SLC35F2: variants seen among roughly 807,000 people sequenced by gnomAD.
The protein encoded by SLC35F2 is queuine/queuosine transporter SLC35F2.
In SLC35F2, 25 loss-of-function variants were observed where a neutral mutation model predicts 38.1. The observed-to-expected ratio is 0.66, with a 90% CI of 0.48 to 0.92. The LOEUF (loss-of-function observed/expected upper bound fraction) is 0.92, where lower values mean the gene tolerates loss of function less well. Among genes scored for constraint, SLC35F2 ranks in the 40% least tolerant of loss-of-function variants. The probability of loss-of-function intolerance (pLI) is 0.00; values close to 1 mark genes in which losing one functional copy is unlikely to be tolerated. For synonymous variants in SLC35F2, 173 were observed against 181.7 expected (o/e 0.95, Z 0.38); for missense variants, 409 against 452.9 (o/e 0.90, Z 0.88).
In SLC35F2 at chr11:107,815,796, G is replaced by T; in HGVS notation, c.280C>A (p.Arg94=). ...ATTTCCACATTTGACATACCTGATC[G>T]AAATGCCAGCATCACTGTATAAATT... The part of the protein sequence containing the change: ...FLIYTVMLAF[R]SGSDNLLVIL... The change falls in exon 2 of 8, where the codon CGA becomes AGA. Residue 94 remains arginine (R), a synonymous_variant. Coordinates refer to ENST00000525815, the MANE Select transcript of SLC35F2 (RefSeq NM_017515.5). 1 of 1,603,250 alleles carries T rather than the reference G, an allele frequency of 6.2e-7. No individual in the cohort carries two copies. The highest frequency in any genetic ancestry group is 8.5e-7 in the Non-Finnish European group (1 of 1,175,524).
chr11:107,824,341 G>A (rs1002126156), intron 1 of SLC35F2, among the ~76,000 whole-genome samples: 2 of 152,138 alleles, frequency 1.3e-5, no homozygotes, highest in Admixed American at 6.5e-5. Context: ...AAAATGCAAG[G>A]CAGACAATAC....
intron 7 of SLC35F2, among the ~76,000 whole-genome samples, chr11:107,797,325 G>T (rs1859235372): frequency 7.0e-6 from 1 of 141,960 alleles, no homozygotes; most frequent in Non-Finnish European, 1.6e-5. Flanking sequence ...AGGGAAGGAG[G>T]GAAAAGGAAG....
At chr11:107,837,096 GAAAGTAT>G (rs992992475) in intron 1 of SLC35F2, among the ~76,000 whole-genome samples, 3 of 152,082 alleles carry the variant, frequency 2.0e-5, no homozygotes, top group Admixed American at 2.0e-4. Flanking sequence ...AACAAAAATT[GAAAGTAT>G]AAATCCAGTG....
intron 1 of SLC35F2, among the ~76,000 whole-genome samples, chr11:107,818,685 C>G (rs114653698): frequency 0.013 from 1,898 of 151,288 alleles, 49 homozygotes; most frequent in African/African-American, 0.043. Context: ...TCTTCCTTTT[C>G]AGTACTGTAT....
intron 1 of SLC35F2, among the ~76,000 whole-genome samples, chr11:107,844,844 C>T (rs1318928432): frequency 6.0e-4 from 90 of 150,806 alleles, no homozygotes; most frequent in Admixed American, 1.8e-3. Flanking sequence ...GGCGTGGTGG[C>T]GGGCACCTGT....
chr11:107,832,160 A>C (rs1356565636), intron 1 of SLC35F2, among the ~76,000 whole-genome samples: 1 of 152,174 alleles, frequency 6.6e-6, no homozygotes, highest in Non-Finnish European at 1.5e-5. Flanking sequence ...GGAGCAGAGC[A>C]AGTTTAGTAT....
At chr11:107,801,934 T>C (rs1859316185) in intron 7 of SLC35F2, among the ~76,000 whole-genome samples, 1 of 152,110 alleles carries the variant, frequency 6.6e-6, no homozygotes, top group Non-Finnish European at 1.5e-5. Flanking sequence ...CCTTTGTTTT[T>C]CCATGTCTAA....
chr11:107,836,418 C>T (rs563063891), intron 1 of SLC35F2, among the ~76,000 whole-genome samples: 136 of 152,138 alleles, frequency 8.9e-4, no homozygotes, highest in Middle Eastern at 3.4e-3. Flanking sequence ...CAAAAGTGTC[C>T]ACACTCTCTC....
At position 107,858,612 on chromosome 11, in the gene SLC35F2, C is replaced by T. The variant is rs769059740; in HGVS notation, c.110+46G>A. The T allele has an allele frequency of 1.2e-4, 145 of 1,250,758 alleles. No individual in the cohort carries two copies. The East Asian group carries it at 4.4e-3, about 38-fold the overall frequency. 77.5% of individuals were successfully genotyped at this position (1,250,758 alleles called of 1,614,324 possible). A position where few individuals can be genotyped will look rare whatever the true frequency, so the allele number is the denominator to read the frequency against. ...GTCCACGTGCGCGCAGGGCCCGCAG[C>T]CGCCCCCACGCCCCAGCGGAGCTGC... On this transcript the variant is annotated intron_variant, in intron 1 of 7. Coordinates refer to ENST00000525815, the MANE Select transcript of SLC35F2 (RefSeq NM_017515.5).
At chr11:107,824,543 T>A (rs548134652) in intron 1 of SLC35F2, among the ~76,000 whole-genome samples, 8 of 152,192 alleles carry the variant, frequency 5.3e-5, no homozygotes, top group Non-Finnish European at 1.2e-4. Flanking sequence ...AGAGTGCAAT[T>A]TGGATGTGAC....
At chr11:107,812,700 T>A (rs142390086) in intron 2 of SLC35F2, among the ~76,000 whole-genome samples, 4 of 152,346 alleles carry the variant, frequency 2.6e-5, no homozygotes, top group African/African-American at 9.6e-5. Flanking sequence ...ATAGTTTTTT[T>A]TTAAAATCCC....
rs1156294223 is a variant in SLC35F2, at chr11:107,858,684, G to A, written c.84C>T (p.Arg28=). 1.5e-6 allele frequency: 2 copies of A among 1,301,962 alleles called. No individual in the cohort carries two copies. The highest frequency in any genetic ancestry group is 2.8e-5 in the East Asian group (1 of 35,186). 80.7% of individuals were successfully genotyped at this position (1,301,962 alleles called of 1,614,324 possible). A position where few individuals can be genotyped will look rare whatever the true frequency, so the allele number is the denominator to read the frequency against. The change falls in exon 1 of 8, where the codon CGC becomes CGT. Residue 28 remains arginine (R), a synonymous_variant. Coordinates refer to ENST00000525815, the MANE Select transcript of SLC35F2 (RefSeq NM_017515.5). ...AGGTGAAGAGTTTGCCTTTTATCCTGCGCAGCAGGCTGGAGAACTCGGCCG... is the reference window on the plus strand; with the variant it reads ...AGGTGAAGAGTTTGCCTTTTATCCTACGCAGCAGGCTGGAGAACTCGGCCG... The part of the protein sequence containing the change: ...GAAAEFSSLL[R]RIKGKLFTWN...
At position 107,792,787 on chromosome 11, in the gene SLC35F2, T is replaced by C. The variant is rs374494469; in HGVS notation, c.953A>G (p.Tyr318Cys). Residue 318 changes from tyrosine (Y) to cysteine (C), a missense_variant, in exon 8 of 8, where the codon TAC (tyrosine) becomes TGC (cysteine). Coordinates refer to ENST00000525815, the MANE Select transcript of SLC35F2 (RefSeq NM_017515.5). ...FLFGYKFSGL[Y>C]ILSFTVIMVG... ...CATGATGACAGTGAAGGACAGGATG[T>C]AGAGTCCTGAAAACTAGAAGGGAAG... 2.1e-4 allele frequency: 329 copies of C among 1,577,534 alleles called. No homozygotes were observed. The highest frequency in any genetic ancestry group is 2.6e-4 in the Non-Finnish European group (307 of 1,159,404).
chr11:107,819,218 T>C (rs1183627886), intron 1 of SLC35F2, among the ~76,000 whole-genome samples: 1 of 152,202 alleles, frequency 6.6e-6, no homozygotes, highest in African/African-American at 2.4e-5. Flanking sequence ...ATGGTGTTTG[T>C]TCTTAGGGCA....
At chr11:107,840,997 A>T (rs1229558979) in intron 1 of SLC35F2, among the ~76,000 whole-genome samples, 1 of 152,074 alleles carries the variant, frequency 6.6e-6, no homozygotes, top group East Asian at 1.9e-4. Context: ...ACAGGCCCCA[A>T]ACCAGAAAAA....
At chr11:107,798,869 A>G (rs1281584879) in intron 7 of SLC35F2, among the ~76,000 whole-genome samples, 4 of 152,192 alleles carry the variant, frequency 2.6e-5, no homozygotes, top group African/African-American at 9.7e-5. Context: ...TGAGGTCAGG[A>G]GTTCGAGACC....
chr11:107,809,329 C>CAAAAAAAAAAAAAA (rs61511493), intron 3 of SLC35F2, among the ~76,000 whole-genome samples: 1 of 96,120 alleles, frequency 1.0e-5, no homozygotes, highest in African/African-American at 3.5e-5. Flanking sequence ...ACTCAAAATA[C>CAAAAAAAAAAAAAA]AAAAAAAAAA....
At position 107,858,724 on chromosome 11, in the gene SLC35F2, A is replaced by AGGGGCTCT. The variant is rs753971105; in HGVS notation, c.36_43dup (p.Leu15GlnfsTer19). ...GAACTCGGCCGCCGCTCCCTCCGCGAGGGGCTCTGGGGCGCCGGGGCCCGC... is the reference window on the plus strand; with the variant it reads ...GAACTCGGCCGCCGCTCCCTCCGCGAGGGGCTCTGGGGCTCTGGGGCGCCGGGGCCCGC... On this transcript the variant is annotated frameshift_variant, in exon 1 of 8. Transcript: ENST00000525815. LOFTEE classifies it high-confidence loss of function. The AGGGGCTCT allele has an allele frequency of 7.7e-7, 1 of 1,296,426 alleles. No individual in the cohort carries two copies. The highest frequency in any genetic ancestry group is 9.9e-7 in the Non-Finnish European group (1 of 1,014,518). The allele number at this position is 1,296,426 out of a possible 1,614,324, so 80.3% of individuals were successfully genotyped here.
intron 1 of SLC35F2, among the ~76,000 whole-genome samples, chr11:107,849,633 C>T (rs1254904180): frequency 2.2e-5 from 2 of 89,178 alleles, no homozygotes; most frequent in Admixed American, 2.6e-4. Context: ...AGCAAGACTC[C>T]GTTTTGGGAA....
Sources: gnomAD v4.1 joint callset for allele counts (sites outside exome capture counted in the v4.1 genomes callset) on GRCh38, gnomAD v4.1.1 for gene constraint, MANE v1.5 for transcripts, NCBI Gene and HGNC (gene_info 2026-07-23, HGNC 2026-07-21) for gene names.